RBFOX3: variants seen among roughly 807,000 people sequenced by gnomAD.
RBFOX3 encodes the protein RNA binding fox-1 homolog 3, also known as RNA binding protein fox-1 homolog 3.
Under a neutral mutation model 48.7 loss-of-function variants are expected in RBFOX3, and 17 were observed. That is an observed-to-expected ratio of 0.35 (90% CI 0.24 to 0.52). The LOEUF is 0.52. RBFOX3 is among the 20% of genes least tolerant of loss of function. The pLI is 0.94. For synonymous variants in RBFOX3, 212 were observed against 209.5 expected, an observed-to-expected ratio of 1.01 and a Z score of -0.10; for missense variants, 382 against 497.5, an observed-to-expected ratio of 0.77 and a Z score of 2.21.
chr17:79,144,018 C>T (rs749801503), intron 4 of RBFOX3, among the ~76,000 whole-genome samples: 7 of 152,224 alleles, frequency 4.6e-5, no homozygotes, highest in Non-Finnish European at 1.0e-4. Context: ...TAACAGGCCC[C>T]CGTGCCCAGC....
chr17:79,661,978 C>T, the RBFOX3 span, among the ~76,000 whole-genome samples: 9 of 152,102 alleles, frequency 5.9e-5, no homozygotes, highest in African/African-American at 2.2e-4. Flanking sequence ...GTGCCCATTG[C>T]TCTTATTCTT....
At chr17:79,442,518 T>G (rs1167340442) in intron 2 of RBFOX3, among the ~76,000 whole-genome samples, 3 of 142,306 alleles carry the variant, frequency 2.1e-5, no homozygotes, top group Non-Finnish European at 4.8e-5. Flanking sequence ...TGGTAAGAGC[T>G]CCAAATGGCG....
At chr17:79,125,364 G>C (rs1018033963) in intron 4 of RBFOX3, among the ~76,000 whole-genome samples, 5 of 152,220 alleles carry the variant, frequency 3.3e-5, no homozygotes, top group African/African-American at 1.2e-4. Context: ...TGACTCATCT[G>C]CCTGGAGGCA....
chr17:79,202,641 AC>A (rs1175070009), intron 4 of RBFOX3, among the ~76,000 whole-genome samples: 2 of 152,028 alleles, frequency 1.3e-5, no homozygotes, highest in Non-Finnish European at 2.9e-5. Flanking sequence ...AGCAGACACC[AC>A]CCCAGTCCCA....
At chr17:79,219,675 G>C (rs1332198291) in intron 4 of RBFOX3, among the ~76,000 whole-genome samples, 2 of 152,146 alleles carry the variant, frequency 1.3e-5, no homozygotes, top group African/African-American at 4.8e-5. Context: ...CAGGGCCTCT[G>C]CAAGCTGCTC....
chr17:79,097,445 G>A, intron 10 of RBFOX3, 21 bp from the exon 11 acceptor site: 1 of 1,533,348 alleles, frequency 6.5e-7, no homozygotes, highest in Non-Finnish European at 8.8e-7. Flanking sequence ...CGGGGCCCGA[G>A]ACACGTGTGA....
chr17:79,224,818 C>T (rs2060127688), intron 4 of RBFOX3, among the ~76,000 whole-genome samples: 1 of 152,226 alleles, frequency 6.6e-6, no homozygotes. Flanking sequence ...TTGTACTCAT[C>T]CAACTGGTGT....
chr17:79,189,149 T>C (rs1347414201), intron 4 of RBFOX3, among the ~76,000 whole-genome samples: 1 of 152,254 alleles, frequency 6.6e-6, no homozygotes, highest in African/African-American at 2.4e-5. Context: ...GATTGCTAAC[T>C]GTAACAATAC....
At position 79,249,291 on chromosome 17, in the gene RBFOX3, T is replaced by C. The variant is rs527246786; in HGVS notation, c.-73-13486A>G. Among the ~76,000 whole-genome samples, 1 of 152,246 alleles carries C rather than the reference T, an allele frequency of 6.6e-6. No individual in the cohort carries two copies. The highest frequency in any genetic ancestry group is 1.5e-5 in the Non-Finnish European group (1 of 68,002). On this transcript the variant is annotated intron_variant, in intron 3 of 14. Coordinates refer to ENST00000693108, the MANE Select transcript of RBFOX3 (RefSeq NM_001350451.2). The surrounding 1 kb of genome is among the most constrained non-coding windows in gnomAD (Gnocchi z 4.1). ...TTCTGGCTAGTGAGATGCTGAGCTG[T>C]GAACAAAGTCAGAGTCCACTCATAA...
chr17:79,146,955 G>A (rs1360600716), intron 4 of RBFOX3, among the ~76,000 whole-genome samples: 2 of 152,176 alleles, frequency 1.3e-5, no homozygotes, highest in African/African-American at 4.8e-5. Flanking sequence ...TGATCAAAAC[G>A]GGCCCCCTGC....
chr17:79,302,274 T>C (rs1173016241), intron 3 of RBFOX3, among the ~76,000 whole-genome samples: 1 of 152,164 alleles, frequency 6.6e-6, no homozygotes, highest in Non-Finnish European at 1.5e-5. Context: ...TCCCATTTCA[T>C]GGATAAGAAA....
chr17:79,337,023 G>C (rs1412543097), intron 2 of RBFOX3, among the ~76,000 whole-genome samples: 1 of 152,150 alleles, frequency 6.6e-6, no homozygotes, highest in Non-Finnish European at 1.5e-5. Flanking sequence ...GGGAAGCTGA[G>C]GCAGAAGAAT....
At chr17:79,232,458 ATC>A (rs2061148056) in intron 4 of RBFOX3, among the ~76,000 whole-genome samples, 2 of 152,216 alleles carry the variant, frequency 1.3e-5, no homozygotes, top group African/African-American at 2.4e-5. Flanking sequence ...GAAACAGAAT[ATC>A]AAACCCAGAC....
chr17:79,150,185 G>A (rs558443527), intron 4 of RBFOX3, among the ~76,000 whole-genome samples: 3 of 151,988 alleles, frequency 2.0e-5, no homozygotes, highest in East Asian at 1.9e-4. Context: ...GGGCAGCGGT[G>A]GGCGGCAGCT....
intron 1 of RBFOX3, among the ~76,000 whole-genome samples, chr17:79,494,917 G>A (rs909877876): frequency 1.2e-4 from 18 of 152,188 alleles, no homozygotes; most frequent in Admixed American, 3.3e-4. Flanking sequence ...GCTGGAGGTC[G>A]ATGATTTTCA....
At chr17:79,499,844 C>T (rs1226296527) in intron 1 of RBFOX3, among the ~76,000 whole-genome samples, 1 of 152,194 alleles carries the variant, frequency 6.6e-6, no homozygotes, top group Non-Finnish European at 1.5e-5. Context: ...GGCCACCCTC[C>T]ACACCAACAA....
intron 3 of RBFOX3, among the ~76,000 whole-genome samples, chr17:79,304,566 T>A (rs2075833695): frequency 6.6e-6 from 1 of 151,918 alleles, no homozygotes; most frequent in Non-Finnish European, 1.5e-5. Flanking sequence ...TGAGCTGTGG[T>A]TATTTCTGGC....
At chr17:79,556,134 A>G (rs2091737223) in intron 1 of RBFOX3, among the ~76,000 whole-genome samples, 2 of 152,168 alleles carry the variant, frequency 1.3e-5, no homozygotes, top group South Asian at 4.1e-4. Context: ...GACCAGGATC[A>G]GGAGAGCAGT....
intron 4 of RBFOX3, among the ~76,000 whole-genome samples, chr17:79,227,766 AG>A (rs2060491588): frequency 6.6e-6 from 1 of 152,164 alleles, no homozygotes; most frequent in Non-Finnish European, 1.5e-5. Context: ...GGAGAAATCC[AG>A]GGGCAGGGGA....
Sources: gnomAD v4.1 joint callset for allele counts (sites outside exome capture counted in the v4.1 genomes callset) on GRCh38, gnomAD v4.1.1 for gene constraint, Gnocchi (gnomAD v3.1) non-coding constraint, MANE v1.5 for transcripts, NCBI Gene and HGNC (gene_info 2026-07-23, HGNC 2026-07-21) for gene names.